The following GNPDA2 variants were observed in gnomAD, a reference collection of about 807,000 sequenced individuals.
The protein encoded by GNPDA2 is glcN6P deaminase 2.
GNPDA2 carries 24 observed loss-of-function variants against 27.0 expected under a neutral mutation model. The ratio of observed to expected loss-of-function variants is 0.89; its 90% CI spans 0.64 to 1.25. The LOEUF (loss-of-function observed/expected upper bound fraction) is 1.25, where lower values mean the gene tolerates loss of function less well. Among genes scored for constraint, GNPDA2 ranks in the 50% most tolerant of loss-of-function variants. GNPDA2 has a pLI of 0.00. For missense variants in GNPDA2, 286 were observed against 335.1 expected, an observed-to-expected ratio of 0.85 and a Z score of 1.14; for synonymous variants, 94 against 108.4, an observed-to-expected ratio of 0.87 and a Z score of 0.83.
intron 4 of GNPDA2, among the ~76,000 whole-genome samples, chr4:44,712,268 A>T (rs1347047185): frequency 6.6e-6 from 1 of 152,142 alleles, no homozygotes; most frequent in African/African-American, 2.4e-5. Context: ...TTACATTTAT[A>T]TTCTGCATAT....
At chr4:44,721,965 T>C (rs1717697133) in intron 2 of GNPDA2, 119 bp downstream of exon 2, 1 of 746,250 alleles carries the variant, frequency 1.3e-6, no homozygotes, top group African/African-American at 1.8e-5. Flanking sequence ...TACTATGATG[T>C]TCAATTAGTG....
chr4:44,707,086 G>A (rs1195014939), intron 6 of GNPDA2: 1 of 151,958 alleles, frequency 6.6e-6, no homozygotes, highest in African/African-American at 2.4e-5. Flanking sequence ...TAGGCAAAAT[G>A]TCCCTTGAAA....
chr4:44,710,059 T>C (rs1716875044), intron 5 of GNPDA2, among the ~76,000 whole-genome samples: 1 of 152,158 alleles, frequency 6.6e-6, no homozygotes, highest in African/African-American at 2.4e-5. Context: ...ATGTAATCTA[T>C]TACATAACTC....
At chr4:44,723,406 C>T (rs191947351) in intron 1 of GNPDA2, among the ~76,000 whole-genome samples, 2 of 152,234 alleles carry the variant, frequency 1.3e-5, no homozygotes, top group Non-Finnish European at 2.9e-5. Context: ...CTCCTACTCC[C>T]CAACCCTTCT....
Position 44,712,509 on chromosome 4 carries a change from A to C in GNPDA2, c.410-1372T>G, listed in dbSNP as rs535284336. Among the ~76,000 whole-genome samples the C allele has an allele frequency of 1.2e-3, 175 of 143,554 alleles. No individual in the cohort carries two copies. The Middle Eastern group carries it at 0.025, about 21-fold the overall frequency. 94.2% of individuals were successfully genotyped at this position (143,554 alleles called of 152,430 possible). Reference sequence around the variant, plus strand: ...TGGTTAATATGCATTGACTGTTTCTACTATTAAGTATGTATCTGCTTATAA... The same window carrying C: ...TGGTTAATATGCATTGACTGTTTCTCCTATTAAGTATGTATCTGCTTATAA... On this transcript the variant is annotated intron_variant, in intron 4 of 6. Coordinates refer to ENST00000295448, the MANE Select transcript of GNPDA2 (RefSeq NM_138335.3).
In GNPDA2 at chr4:44,702,097, A is replaced by G. The variant is rs1716306310; in HGVS notation, c.*984T>C. ...ATGAATGCAGGTTCACATGTACTAT[A>G]ATTGTTGGGAGTCGAATGCATGTAT... On this transcript the variant is annotated 3_prime_UTR_variant, in exon 7 of 7. Transcript: ENST00000295448. 1.0e-6 allele frequency: 1 copy of G among 981,974 alleles called. No individual in the cohort carries two copies. The allele number at this position is 981,974 out of a possible 1,614,324, so 60.8% of individuals were successfully genotyped here.
chr4:44,723,337 G>A (rs773795661), intron 1 of GNPDA2, among the ~76,000 whole-genome samples: 7 of 151,944 alleles, frequency 4.6e-5, no homozygotes, highest in Non-Finnish European at 8.8e-5. Flanking sequence ...CTGGGGTTTT[G>A]GTGTATCTAT....
intron 6 of GNPDA2, chr4:44,704,850 A>G (rs1716490317): frequency 1.0e-6 from 1 of 983,986 alleles, no homozygotes; most frequent in South Asian, 4.7e-5. Context: ...GCCTAAATAC[A>G]AAGTAAGAGA....
chr4:44,711,211 C>CAA, intron 4 of GNPDA2, 74 bp from the exon 5 acceptor site: 1 of 856,064 alleles, frequency 1.2e-6, no homozygotes, highest in South Asian at 3.6e-5. Context: ...CGTTAAAGAA[C>CAA]AAAAAAAAAA....
chr4:44,703,259 A>G, intron 6 of GNPDA2, 117 bp from the exon 7 acceptor site: 1 of 1,432,406 alleles, frequency 7.0e-7, no homozygotes, highest in Non-Finnish European at 9.1e-7. Context: ...TCCCATCTTG[A>G]TATAGTCAAG....
intron 2 of GNPDA2, among the ~76,000 whole-genome samples, chr4:44,719,062 A>C (rs1273315728): frequency 6.6e-6 from 1 of 152,048 alleles, no homozygotes; most frequent in East Asian, 1.9e-4. Context: ...TTATAAAATC[A>C]TAGTTTGATA....
Position 44,722,142 on chromosome 4 carries a change from AT to A in GNPDA2, c.65del (p.Asn22IlefsTer25). 6.2e-7 allele frequency: 1 copy of A among 1,613,474 alleles called. No homozygotes were observed. The highest frequency in any genetic ancestry group is 1.3e-5 in the African/African-American group (1 of 75,034). On this transcript the variant is annotated frameshift_variant, in exon 2 of 7. Transcript: ENST00000295448. LOFTEE classifies it high-confidence loss of function. ...ASEWAAKYIC[N>X]RIIQFKPGQD... ...GTCCAGGTTTGAACTGAATGATGCGATTACAGATGTATTTGGCTGCCCATTC... is the reference window on the plus strand; with the variant it reads ...GTCCAGGTTTGAACTGAATGATGCGATACAGATGTATTTGGCTGCCCATTC...
intron 3 of GNPDA2, among the ~76,000 whole-genome samples, 154 bp from the exon 4 acceptor site, chr4:44,717,449 T>C (rs1288653410): frequency 4.6e-5 from 7 of 151,892 alleles, no homozygotes; most frequent in African/African-American, 1.7e-4. Context: ...ATTATATGCC[T>C]AGTATTAATC....
rs1716542147 is a variant in GNPDA2, at chr4:44,705,512, A to G, written c.769+2240T>C. ...ATGGTCTGTTTCAAAATTTTTCAGA[A>G]GAGCTTACAATTAGATGAACTAAAA... On this transcript the variant is annotated intron_variant, in intron 6 of 6. Coordinates refer to ENST00000295448, the MANE Select transcript of GNPDA2 (RefSeq NM_138335.3). 3 of 980,148 alleles carry G rather than the reference A, an allele frequency of 3.1e-6. No homozygotes were observed. The South Asian group carries it at 1.4e-4, about 46-fold the overall frequency. 60.7% of individuals were successfully genotyped at this position (980,148 alleles called of 1,614,324 possible).
intron 5 of GNPDA2, among the ~76,000 whole-genome samples, chr4:44,710,657 A>G (rs1716917347): frequency 6.6e-6 from 1 of 152,180 alleles, no homozygotes; most frequent in South Asian, 2.1e-4. Flanking sequence ...ACTTTCAATA[A>G]AAAACAAACG....
intron 4 of GNPDA2, chr4:44,714,265 G>T: frequency 1.0e-6 from 1 of 982,062 alleles, no homozygotes. Context: ...GTGAGCCACC[G>T]GATCCCAGCC....
At chr4:44,721,954 A>T (rs1717696286) in intron 2 of GNPDA2, 130 bp downstream of exon 2, 1 of 692,626 alleles carries the variant, frequency 1.4e-6, no homozygotes, top group Non-Finnish European at 2.4e-6. Context: ...CTGGCCTTTT[A>T]TACTATGATG....
intron 1 of GNPDA2, among the ~76,000 whole-genome samples, chr4:44,722,552 T>C (rs1348760242): frequency 6.6e-6 from 1 of 152,200 alleles, no homozygotes; most frequent in Non-Finnish European, 1.5e-5. Context: ...GGGAAAAAGA[T>C]GTTTGCATCT....
chr4:44,724,756 C>T (rs1430168277), intron 1 of GNPDA2, among the ~76,000 whole-genome samples: 2 of 152,018 alleles, frequency 1.3e-5, no homozygotes, highest in Non-Finnish European at 2.9e-5. Context: ...GTAACAGTTT[C>T]GAATTCTGAC....
Sources: gnomAD v4.1 joint callset for allele counts (sites outside exome capture counted in the v4.1 genomes callset) on GRCh38, gnomAD v4.1.1 for gene constraint, MANE v1.5 for transcripts, NCBI Gene and HGNC (gene_info 2026-07-23, HGNC 2026-07-21) for gene names.